The following XKR8 variants were observed in gnomAD, a reference collection of about 807,000 sequenced individuals.
XKR8 encodes the protein XK-related protein 8.
Under a neutral mutation model 17.1 loss-of-function variants are expected in XKR8, and 10 were observed. That is an observed-to-expected ratio of 0.59 (90% CI 0.36 to 0.99). The LOEUF is 0.99. Among genes scored for constraint, XKR8 ranks in the 50% least tolerant of loss-of-function variants. The pLI is 0.01. For missense variants in XKR8, 411 were observed against 515.6 expected (o/e 0.80, Z 1.96); for synonymous variants, 213 against 251.9 (o/e 0.85, Z 1.46).
Position 27,960,420 on chromosome 1 carries a change from G to T in XKR8, c.293+58G>T, listed in dbSNP as rs1248643392. The T allele has an allele frequency of 9.6e-6, 13 of 1,349,124 alleles. No homozygotes were observed. Among genetic ancestry groups the T allele is most frequent in the East Asian group, 3.0e-5 (1 of 33,178 alleles). 83.6% of individuals were successfully genotyped at this position (1,349,124 alleles called of 1,614,324 possible). On this transcript the variant is annotated intron_variant, in intron 1 of 2. Transcript: ENST00000373884. The surrounding 1 kb of genome is among the most constrained non-coding windows in gnomAD (Gnocchi z 5.9). ...CGGAGCCCAGCACCTCCGTCAGCTG[G>T]GTCACCTGTACAGGTGACACGCCAT... is the stretch of plus-strand genomic sequence containing the variant.
chr1:27,962,156 A>G (rs908817891), intron 1 of XKR8, among the ~76,000 whole-genome samples: 28 of 152,388 alleles, frequency 1.8e-4, no homozygotes, highest in African/African-American at 6.5e-4. Flanking sequence ...TCTTGGGCAC[A>G]CTAAAGTTTG....
At chr1:27,961,947 T>G (rs1472861228) in intron 1 of XKR8, among the ~76,000 whole-genome samples, 1 of 152,226 alleles carries the variant, frequency 6.6e-6, no homozygotes, top group Admixed American at 6.5e-5. Flanking sequence ...GTCCAAACTC[T>G]GGACTCTCTT....
rs1638588792 is a variant in XKR8 at position 27,967,008 on chromosome 1, T to C, written c.996T>C (p.Ala332=). 1.9e-6 allele frequency: 3 copies of C among 1,614,150 alleles called. No homozygotes were observed. The highest frequency in any genetic ancestry group is 2.5e-6 in the Non-Finnish European group (3 of 1,180,028). The part of the protein sequence containing the change: ...VGCGCFFLGL[A]LRLVYYHWLH... ...GCGGCTGCTTCTTTCTGGGCCTGGCTCTGCGGCTTGTGTACTACCACTGGC... is the reference window on the plus strand; with the variant it reads ...GCGGCTGCTTCTTTCTGGGCCTGGCCCTGCGGCTTGTGTACTACCACTGGC... Residue 332 remains alanine (A), a synonymous_variant, in exon 3 of 3, where the codon GCT becomes GCC. Coordinates refer to ENST00000373884, the MANE Select transcript of XKR8 (RefSeq NM_018053.4). This position sits in a 1 kb window ranked among gnomAD's most constrained non-coding sequence, Gnocchi z 4.3.
rs920541038 is a variant in XKR8 at position 27,959,991 on chromosome 1, C to T, written c.-79C>T. The T allele has an allele frequency of 6.9e-6, 9 of 1,301,356 alleles. No homozygotes were observed. The South Asian group carries it at 1.1e-4, about 16-fold the overall frequency. The allele number at this position is 1,301,356 out of a possible 1,614,324, so 80.6% of individuals were successfully genotyped here. A position where few individuals can be genotyped will look rare whatever the true frequency, so the allele number is the denominator to read the frequency against. On this transcript the variant is annotated 5_prime_UTR_variant, in exon 1 of 3. Coordinates refer to ENST00000373884, the MANE Select transcript of XKR8 (RefSeq NM_018053.4). Reference sequence around the variant, plus strand: ...CCGCCCCGAGGGCTGCGCCCACCTCCTTCCTGCCTCGGCAACCCCGGGCCC... The same window carrying T: ...CCGCCCCGAGGGCTGCGCCCACCTCTTTCCTGCCTCGGCAACCCCGGGCCC...
Position 27,960,298 on chromosome 1 carries a change from G to A in XKR8, c.229G>A (p.Gly77Arg). Residue 77 changes from glycine to arginine, a missense_variant, in exon 1 of 3, where the codon GGG (glycine) becomes AGG (arginine). Transcript: ENST00000373884. This position sits in a 1 kb window ranked among gnomAD's most constrained non-coding sequence, Gnocchi z 5.9. Reference protein sequence around the residue: ...WLRADPAGLHGSQPPRRCLAL... With the variant: ...WLRADPAGLHRSQPPRRCLAL... ...GCGCGCTGACCCTGCCGGCCTGCAC[G>A]GGTCGCAGCCCCCGCGCCGCTGCCT... is the stretch of plus-strand genomic sequence containing the variant. 6.8e-7 allele frequency: 1 copy of A among 1,470,218 alleles called. No individual in the cohort carries two copies. Among genetic ancestry groups the A allele is most frequent in the Non-Finnish European group, 8.9e-7 (1 of 1,118,178 alleles). 91.1% of individuals were successfully genotyped at this position (1,470,218 alleles called of 1,614,324 possible). A position where few individuals can be genotyped will look rare whatever the true frequency, so the allele number is the denominator to read the frequency against.
intron 1 of XKR8, among the ~76,000 whole-genome samples, chr1:27,962,184 C>A (rs1483297307): frequency 6.6e-6 from 1 of 152,236 alleles, no homozygotes; most frequent in Non-Finnish European, 1.5e-5. Context: ...CTGCCTCAGG[C>A]AACTTTATAG....
Position 27,960,494 on chromosome 1 carries a change from G to C in XKR8, c.293+132G>C. ...GGGAACCAAGTCCTGTGGGCGCCTG[G>C]CCTACAGGTGAGCGTGCAGCCCTTT... On this transcript the variant is annotated intron_variant, in intron 1 of 2. Coordinates refer to ENST00000373884, the MANE Select transcript of XKR8 (RefSeq NM_018053.4). The surrounding 1 kb of genome is among the most constrained non-coding windows in gnomAD (Gnocchi z 5.9). 1.1e-6 allele frequency: 1 copy of C among 913,512 alleles called. No individual in the cohort carries two copies. Among genetic ancestry groups the C allele is most frequent in the African/African-American group, 1.7e-5 (1 of 57,210 alleles). 56.6% of individuals were successfully genotyped at this position (913,512 alleles called of 1,614,324 possible). A position where few individuals can be genotyped will look rare whatever the true frequency, so the allele number is the denominator to read the frequency against.
rs1200561160 is a variant in XKR8, at chr1:27,966,059, A to G, written c.491-444A>G. Among the ~76,000 whole-genome samples, 6 of 152,116 alleles carry G rather than the reference A, an allele frequency of 3.9e-5. No homozygotes were observed. Among genetic ancestry groups the G allele is most frequent in the Non-Finnish European group, 8.8e-5 (6 of 68,012 alleles). On this transcript the variant is annotated intron_variant, in intron 2 of 2. Coordinates refer to ENST00000373884, the MANE Select transcript of XKR8 (RefSeq NM_018053.4). This position sits in a 1 kb window ranked among gnomAD's most constrained non-coding sequence, Gnocchi z 4.3. ...TTTAGCCAGAGCCTGTTGCCACCCC[A>G]TGGGATTTTCTACTCCCTTTTTGAG...
chr1:27,964,478 T>C (rs571515515), intron 2 of XKR8, among the ~76,000 whole-genome samples: 3 of 152,238 alleles, frequency 2.0e-5, no homozygotes, highest in African/African-American at 7.2e-5. Flanking sequence ...ACCTCATCTC[T>C]TCAAAATTTT....
In XKR8 at chr1:27,967,680, CA is replaced by C. The variant is rs1201483478; in HGVS notation, c.*482del. The C allele has an allele frequency of 6.5e-6, 1 of 153,280 alleles. No individual in the cohort carries two copies. Among genetic ancestry groups the C allele is most frequent in the African/African-American group, 2.4e-5 (1 of 41,488 alleles). The allele number at this position is 153,280 out of a possible 1,614,324, so 9.5% of individuals were successfully genotyped here. On this transcript the variant is annotated 3_prime_UTR_variant, in exon 3 of 3. Transcript: ENST00000373884. The surrounding 1 kb of genome is among the most constrained non-coding windows in gnomAD (Gnocchi z 4.3). The stretch of plus-strand genomic sequence containing the variant: ...TTCAATTCATGAAACAAATCTTTGC[CA>C]AGAGCAGTTTATGTGCCAGGAACAT...
Position 27,967,881 on chromosome 1 carries a change from G to C in XKR8, c.*681G>C, listed in dbSNP as rs956892411. The C allele has an allele frequency of 6.6e-6, 1 of 152,664 alleles. No individual in the cohort carries two copies. Among genetic ancestry groups the C allele is most frequent in the Non-Finnish European group, 1.5e-5 (1 of 68,058 alleles). 9.5% of individuals were successfully genotyped at this position (152,664 alleles called of 1,614,324 possible). A position where few individuals can be genotyped will look rare whatever the true frequency, so the allele number is the denominator to read the frequency against. ...TGAAGCTGGCCTGGCCTCTGCTCCT[G>C]CTCTCAAGGGGCTGCTTTTCAACCA... is the stretch of plus-strand genomic sequence containing the variant. On this transcript the variant is annotated 3_prime_UTR_variant, in exon 3 of 3. Transcript: ENST00000373884. This position sits in a 1 kb window ranked among gnomAD's most constrained non-coding sequence, Gnocchi z 4.3.
chr1:27,963,455 G>A (rs768207629), intron 1 of XKR8, 42 bp from the exon 2 acceptor site: 1 of 1,559,916 alleles, frequency 6.4e-7, no homozygotes, highest in African/African-American at 1.4e-5. Flanking sequence ...GAATTCACAG[G>A]ACACTAACCT....
intron 2 of XKR8, chr1:27,964,342 G>A (rs543293906): frequency 1.9e-4 from 29 of 152,054 alleles, no homozygotes; most frequent in African/African-American, 6.5e-4. Context: ...AGATAATGAA[G>A]TGTGTAAGGT....
chr1:27,962,434 G>A (rs1381745407), intron 1 of XKR8, among the ~76,000 whole-genome samples: 3 of 152,008 alleles, frequency 2.0e-5, no homozygotes, highest in Non-Finnish European at 2.9e-5. Flanking sequence ...GTGTGGTGGC[G>A]CATGCCTGTA....
Position 27,966,408 on chromosome 1 carries a change from A to T in XKR8, c.491-95A>T. The T allele has an allele frequency of 8.1e-7, 1 of 1,239,598 alleles. No homozygotes were observed. The highest frequency in any genetic ancestry group is 1.1e-6 in the Non-Finnish European group (1 of 882,526). The allele number at this position is 1,239,598 out of a possible 1,614,324, so 76.8% of individuals were successfully genotyped here. On this transcript the variant is annotated intron_variant, in intron 2 of 2. Coordinates refer to ENST00000373884, the MANE Select transcript of XKR8 (RefSeq NM_018053.4). The surrounding 1 kb of genome is among the most constrained non-coding windows in gnomAD (Gnocchi z 4.3). ...AACGAGGGATTCTAATACCTACCCC[A>T]GGGTTGCTGGGAGGGCCCCCACGGT...
intron 1 of XKR8, among the ~76,000 whole-genome samples, chr1:27,962,761 A>T (rs555832545): frequency 6.6e-6 from 1 of 151,792 alleles, no homozygotes; most frequent in South Asian, 2.1e-4. Context: ...CCAACTAATT[A>T]AAAAAAATTC....
rs1638612962 is a variant in XKR8 at position 27,967,884 on chromosome 1, C to T, written c.*684C>T. The T allele has an allele frequency of 6.6e-6, 1 of 152,668 alleles. No individual in the cohort carries two copies. Among genetic ancestry groups the T allele is most frequent in the African/African-American group, 2.4e-5 (1 of 41,458 alleles). 9.5% of individuals were successfully genotyped at this position (152,668 alleles called of 1,614,324 possible). A position where few individuals can be genotyped will look rare whatever the true frequency, so the allele number is the denominator to read the frequency against. ...AGCTGGCCTGGCCTCTGCTCCTGCTCTCAAGGGGCTGCTTTTCAACCAAGA... is the reference window on the plus strand; with the variant it reads ...AGCTGGCCTGGCCTCTGCTCCTGCTTTCAAGGGGCTGCTTTTCAACCAAGA... On this transcript the variant is annotated 3_prime_UTR_variant, in exon 3 of 3. Coordinates refer to ENST00000373884, the MANE Select transcript of XKR8 (RefSeq NM_018053.4). The surrounding 1 kb of genome is among the most constrained non-coding windows in gnomAD (Gnocchi z 4.3).
chr1:27,963,814 A>G, intron 2 of XKR8, 121 bp downstream of exon 2: 1 of 1,080,296 alleles, frequency 9.3e-7, no homozygotes, highest in South Asian at 1.7e-5. Flanking sequence ...GGCTTTAGTC[A>G]GGCAGATCTG....
rs1236988431 is a variant in XKR8 at position 27,966,618 on chromosome 1, C to A, written c.606C>A (p.Ile202=). 6.2e-7 allele frequency: 1 copy of A among 1,614,136 alleles called. No homozygotes were observed. The highest frequency in any genetic ancestry group is 8.5e-7 in the Non-Finnish European group (1 of 1,180,004). The part of the protein sequence containing the change: ...KPLLGLGSSV[I]YFLWNLLLLW... ...TCCTGGGCCTGGGCTCCTCCGTGAT[C>A]TACTTCCTGTGGAACCTGCTGCTGC... The change falls in exon 3 of 3, where the codon ATC becomes ATA. Residue 202 remains isoleucine, a synonymous_variant. Coordinates refer to ENST00000373884, the MANE Select transcript of XKR8 (RefSeq NM_018053.4). The surrounding 1 kb of genome is among the most constrained non-coding windows in gnomAD (Gnocchi z 4.3).
Sources: allele counts gnomAD v4.1 joint callset (sites outside exome capture counted in the v4.1 genomes callset), GRCh38; gene constraint gnomAD v4.1.1; non-coding constraint Gnocchi (gnomAD v3.1); transcripts MANE v1.5; gene names NCBI Gene and HGNC (gene_info 2026-07-23, HGNC 2026-07-21).